The following RUNX1T1 variants were observed in gnomAD, a reference collection of about 807,000 sequenced individuals.
The protein encoded by RUNX1T1 is protein CBFA2T1.
In RUNX1T1, 4 loss-of-function variants were observed where a neutral mutation model predicts 62.8. The ratio of observed to expected loss-of-function variants is 0.06; its 90% CI spans 0.03 to 0.15. RUNX1T1 has a LOEUF of 0.15. Among genes scored for constraint, RUNX1T1 ranks in the 10% least tolerant of loss-of-function variants. RUNX1T1 has a pLI of 1.00. For synonymous variants in RUNX1T1, 291 were observed against 286.0 expected (o/e 1.02, Z -0.18); for missense variants, 508 against 754.3 (o/e 0.67, Z 3.82).
intron 2 of RUNX1T1, 91 bp from the exon 4 acceptor site, chr8:92,014,911 A>G: frequency 1.6e-6 from 2 of 1,284,740 alleles, no homozygotes; most frequent in Non-Finnish European, 1.1e-6. Context: ...TTTTACATCT[A>G]CTAGTTTTAT....
At chr8:92,008,388 TCACACACACACACACACA>T (rs566293413) in intron 4 of RUNX1T1, among the ~76,000 whole-genome samples, 1 of 131,898 alleles carries the variant, frequency 7.6e-6, no homozygotes, top group Non-Finnish European at 1.6e-5. Context: ...TCTCTCTCTC[TCACACACACACACACACA>T]CACACACACA....
intron 1 of RUNX1T1, among the ~76,000 whole-genome samples, chr8:92,060,553 ATG>A (rs1271953758): frequency 0.022 from 1,406 of 63,774 alleles, 25 homozygotes; most frequent in African/African-American, 0.041. Context: ...ATATATATAT[ATG>A]TGTGTGTGTG....
chr8:92,082,550 T>C (rs1334257218), intron 1 of RUNX1T1, among the ~76,000 whole-genome samples: 2 of 152,112 alleles, frequency 1.3e-5, no homozygotes, highest in Admixed American at 6.5e-5. Context: ...CACACAGCTG[T>C]CTAAAATTGT....
intron 1 of RUNX1T1, among the ~76,000 whole-genome samples, chr8:92,048,177 T>C (rs1829706438): frequency 6.6e-6 from 1 of 152,224 alleles, no homozygotes; most frequent in Non-Finnish European, 1.5e-5. Flanking sequence ...ACTGATAGAC[T>C]GCTTAAATGA....
At chr8:91,977,239 T>C (rs1364605520) in intron 8 of RUNX1T1, 5 of 195,372 alleles carry the variant, frequency 2.6e-5, no homozygotes, top group Non-Finnish European at 5.3e-5. Context: ...GTGAGGAATA[T>C]ATGGAAACTA....
At chr8:91,956,346 C>A (rs2737807), downstream of RUNX1T1, 1 of 230,480 alleles carries the variant, frequency 4.3e-6, no homozygotes, top group Admixed American at 5.7e-5. Flanking sequence ...CTACTCAACA[C>A]GCATGGATAA....
chr8:92,101,609 C>T (rs577541230), upstream of RUNX1T1, among the ~76,000 whole-genome samples: 1 of 152,144 alleles, frequency 6.6e-6, no homozygotes, highest in Non-Finnish European at 1.5e-5. Flanking sequence ...GCCGCCCAGC[C>T]AAATCCTCCA....
intron 1 of RUNX1T1, among the ~76,000 whole-genome samples, chr8:92,077,440 G>T (rs181112514): frequency 6.6e-6 from 1 of 152,036 alleles, no homozygotes. Flanking sequence ...ATAGTGGAGT[G>T]GGGGAGGGTG....
chr8:92,063,879 A>G (rs954908579), upstream of RUNX1T1, among the ~76,000 whole-genome samples: 1 of 152,208 alleles, frequency 6.6e-6, no homozygotes, highest in Non-Finnish European at 1.5e-5. Context: ...CTATCAACAC[A>G]GAAACAATTC....
intron 9 of RUNX1T1, among the ~76,000 whole-genome samples, chr8:91,972,759 T>C (rs1472739608): frequency 6.6e-6 from 1 of 152,110 alleles, no homozygotes; most frequent in Non-Finnish European, 1.5e-5. Context: ...CCCACAGGCA[T>C]ATACAGATCA....
chr8:92,015,801 T>A (rs1243363049), intron 2 of RUNX1T1, among the ~76,000 whole-genome samples: 1 of 152,210 alleles, frequency 6.6e-6, no homozygotes. Flanking sequence ...AATTTTGACA[T>A]AATAAAATGG....
chr8:91,990,463 C>T (rs1210760853), intron 6 of RUNX1T1, among the ~76,000 whole-genome samples: 1 of 152,124 alleles, frequency 6.6e-6, no homozygotes, highest in African/African-American at 2.4e-5. Context: ...AGACTCATCA[C>T]TAATTAGGAA....
At chr8:92,075,923 C>T (rs13252280) in intron 2 of RUNX1T1, 42 bp downstream of exon 2, 1,209,580 of 1,540,084 alleles carry the variant, frequency 0.79, 478,119 homozygotes, top group East Asian at 1. Flanking sequence ...TTTTCTGGTA[C>T]GTAAGTAAAT....
intron 1 of RUNX1T1, among the ~76,000 whole-genome samples, chr8:92,042,566 C>T (rs957452952): frequency 6.6e-5 from 10 of 152,152 alleles, no homozygotes; most frequent in Non-Finnish European, 5.9e-5. Flanking sequence ...GATCCTTTGT[C>T]CTTGGCTTCC....
At chr8:92,016,986 A>G (rs1162823073) in intron 2 of RUNX1T1, among the ~76,000 whole-genome samples, 2 of 152,204 alleles carry the variant, frequency 1.3e-5, no homozygotes, top group Non-Finnish European at 2.9e-5. Flanking sequence ...ATCATAGCAG[A>G]CTGCAACTTC....
intron 1 of RUNX1T1, among the ~76,000 whole-genome samples, chr8:92,078,981 T>C (rs1834838182): frequency 6.6e-6 from 1 of 152,224 alleles, no homozygotes; most frequent in African/African-American, 2.4e-5. Context: ...TAATAGGATG[T>C]AAAGACTACA....
upstream of RUNX1T1, chr8:92,103,229 G>C (rs1808458562): frequency 3.6e-6 from 1 of 277,530 alleles, no homozygotes; most frequent in Admixed American, 5.4e-5. Context: ...AATGTGATGT[G>C]GGGCGCAGGG....
chr8:92,016,394 C>T lies in RUNX1T1; in HGVS notation c.145+832G>A, dbSNP rs576808506. Among the ~76,000 whole-genome samples, 20 of 152,192 alleles carry T rather than the reference C, an allele frequency of 1.3e-4. No individual in the cohort carries two copies. The South Asian group carries it at 2.5e-3, about 19-fold the overall frequency. On this transcript the variant is annotated intron_variant, in intron 2 of 10. Transcript: ENST00000396218. Reference sequence around the variant, plus strand: ...TGACAGGTTCAAGACAAGAAAGACACGACCGGGTGCGGTGGCTCACGCCTG... The same window carrying T: ...TGACAGGTTCAAGACAAGAAAGACATGACCGGGTGCGGTGGCTCACGCCTG...
At chr8:92,010,928 T>TA (rs34239663) in intron 4 of RUNX1T1, 74 bp downstream of exon 5, 1 of 807,056 alleles carries the variant, frequency 1.2e-6, no homozygotes, top group South Asian at 1.6e-5. Context: ...CTAAATGTAC[T>TA]AAAAAAGCAC....
Sources: gnomAD v4.1 joint callset for allele counts (sites outside exome capture counted in the v4.1 genomes callset) on GRCh38, gnomAD v4.1.1 for gene constraint, MANE v1.5 for transcripts, NCBI Gene and HGNC (gene_info 2026-07-23, HGNC 2026-07-21) for gene names.